The following NLGN1 variants were observed in gnomAD, a reference collection of about 807,000 sequenced individuals.
NLGN1 encodes the protein neuroligin-1.
In NLGN1, 12 loss-of-function variants were observed where a neutral mutation model predicts 65.5. That is an observed-to-expected ratio of 0.18 (90% CI 0.12 to 0.30). NLGN1 has a LOEUF of 0.30. Ranked by LOEUF, NLGN1 falls within the 10% of genes least tolerant of loss-of-function variation. The probability of loss-of-function intolerance (pLI) is 1.00; values close to 1 mark genes in which losing one functional copy is unlikely to be tolerated. For synonymous variants in NLGN1, 350 were observed against 359.5 expected (o/e 0.97, Z 0.30); for missense variants, 750 against 1,007.1 (o/e 0.74, Z 3.46).
chr3:173,977,667 C>G (rs928508646), intron 4 of NLGN1, among the ~76,000 whole-genome samples: 34 of 151,872 alleles, frequency 2.2e-4, no homozygotes, highest in Admixed American at 2.0e-4. Context: ...ATGGACAAAG[C>G]ACAAACTCTG....
intron 4 of NLGN1, among the ~76,000 whole-genome samples, chr3:173,979,199 A>C (rs1718215794): frequency 6.6e-6 from 1 of 152,064 alleles, no homozygotes; most frequent in African/African-American, 2.4e-5. Context: ...GGGCTTGGTT[A>C]GCAAAGTAGA....
At chr3:173,457,184 A>G (rs1363686321) in intron 2 of NLGN1, among the ~76,000 whole-genome samples, 3 of 152,118 alleles carry the variant, frequency 2.0e-5, no homozygotes, top group African/African-American at 7.2e-5. Flanking sequence ...CATTATCATT[A>G]TCATCACCAT....
chr3:174,289,401 C>T (rs1454948591), downstream of NLGN1, among the ~76,000 whole-genome samples: 2 of 151,330 alleles, frequency 1.3e-5, no homozygotes, highest in Non-Finnish European at 3.0e-5. Context: ...ACATTACTAG[C>T]AGCCAACTGA....
At chr3:173,958,173 G>A (rs1049848817) in intron 4 of NLGN1, among the ~76,000 whole-genome samples, 4 of 152,176 alleles carry the variant, frequency 2.6e-5, no homozygotes, top group East Asian at 1.9e-4. Flanking sequence ...CTTGTCACCC[G>A]CAACATAGCG....
chr3:173,452,277 G>A (rs1039639355), intron 2 of NLGN1, among the ~76,000 whole-genome samples: 4 of 151,750 alleles, frequency 2.6e-5, no homozygotes, highest in African/African-American at 9.7e-5. Context: ...CTCACTGTAA[G>A]CTCTTCCTCC....
At chr3:173,761,996 A>C (rs1004244106) in intron 3 of NLGN1, among the ~76,000 whole-genome samples, 1 of 152,070 alleles carries the variant, frequency 6.6e-6, no homozygotes, top group Non-Finnish European at 1.5e-5. Context: ...GGGTTACAGA[A>C]TGTTTCAGGG....
At chr3:174,081,725 C>T (rs1482356779) in intron 4 of NLGN1, among the ~76,000 whole-genome samples, 3 of 151,816 alleles carry the variant, frequency 2.0e-5, no homozygotes, top group South Asian at 2.1e-4. Flanking sequence ...ACATGTGCCA[C>T]CACGTCCAGC....
At chr3:173,906,229 G>A (rs1249979182) in intron 4 of NLGN1, among the ~76,000 whole-genome samples, 2 of 152,128 alleles carry the variant, frequency 1.3e-5, no homozygotes, top group African/African-American at 2.4e-5. Context: ...AAGCCTGTGT[G>A]CCCTTTGCAC....
At chr3:173,799,847 A>G (rs538625701) in intron 3 of NLGN1, among the ~76,000 whole-genome samples, 1 of 151,916 alleles carries the variant, frequency 6.6e-6, no homozygotes, top group Non-Finnish European at 1.5e-5. Context: ...AGATATTCAT[A>G]TCTCTGTCTT....
chr3:173,788,495 T>G (rs1382435474), intron 3 of NLGN1, among the ~76,000 whole-genome samples: 1 of 152,104 alleles, frequency 6.6e-6, no homozygotes, highest in Non-Finnish European at 1.5e-5. Flanking sequence ...TTCTAAGAGC[T>G]ATACATATAT....
chr3:173,424,096 T>C (rs1457090024), intron 1 of NLGN1, among the ~76,000 whole-genome samples: 1 of 152,226 alleles, frequency 6.6e-6, no homozygotes, highest in Non-Finnish European at 1.5e-5. Context: ...TCACATCCTC[T>C]GAAGCAATTG....
intron 3 of NLGN1, among the ~76,000 whole-genome samples, chr3:173,739,639 G>T (rs988838446): frequency 1.3e-5 from 2 of 152,080 alleles, no homozygotes; most frequent in East Asian, 3.9e-4. Flanking sequence ...ATAATTAAAT[G>T]TCACATCATG....
At chr3:173,405,935 A>G (rs1049420877) in intron 1 of NLGN1, among the ~76,000 whole-genome samples, 4 of 152,148 alleles carry the variant, frequency 2.6e-5, no homozygotes, top group Admixed American at 2.6e-4. Context: ...CTGTAATAAT[A>G]TATTACACAT....
chr3:174,096,773 C>A (rs757106679), intron 4 of NLGN1, among the ~76,000 whole-genome samples: 1 of 151,920 alleles, frequency 6.6e-6, no homozygotes, highest in Non-Finnish European at 1.5e-5. Context: ...TGAGTACTCT[C>A]AATATTGCTT....
intron 2 of NLGN1, among the ~76,000 whole-genome samples, chr3:173,583,681 C>CT (rs1421649520): frequency 6.6e-6 from 1 of 152,172 alleles, no homozygotes; most frequent in African/African-American, 2.4e-5. Context: ...TGCATTGACT[C>CT]TTTCTCTGGA....
At chr3:173,480,738 T>G (rs1276051333) in intron 2 of NLGN1, among the ~76,000 whole-genome samples, 1 of 152,126 alleles carries the variant, frequency 6.6e-6, no homozygotes, top group East Asian at 1.9e-4. Context: ...CAATCACTTG[T>G]CTAGATCTCT....
At chr3:174,140,097 C>T (rs1722015186) in intron 4 of NLGN1, among the ~76,000 whole-genome samples, 1 of 151,976 alleles carries the variant, frequency 6.6e-6, no homozygotes, top group Non-Finnish European at 1.5e-5. Flanking sequence ...ATTAGCTGTA[C>T]TTTTAGGGGG....
chr3:174,042,779 A>G (rs1343274005), intron 4 of NLGN1, among the ~76,000 whole-genome samples: 1 of 152,210 alleles, frequency 6.6e-6, no homozygotes, highest in East Asian at 1.9e-4. Context: ...AGAGTGGTAG[A>G]ATGTGTCAAA....
chr3:174,088,138 A>G (rs1477376874), intron 4 of NLGN1, among the ~76,000 whole-genome samples: 1 of 152,200 alleles, frequency 6.6e-6, no homozygotes, highest in Non-Finnish European at 1.5e-5. Context: ...AAAAACATTC[A>G]TTTTGCTTCA....
Sources: allele counts gnomAD v4.1 joint callset (sites outside exome capture counted in the v4.1 genomes callset), GRCh38; gene constraint gnomAD v4.1.1; transcripts MANE v1.5; gene names NCBI Gene and HGNC (gene_info 2026-07-23, HGNC 2026-07-21).